PRKDC: variants seen among roughly 807,000 people sequenced by gnomAD.
PRKDC encodes the protein protein kinase, DNA-activated, catalytic subunit.
In PRKDC, 82 loss-of-function variants were observed where a neutral mutation model predicts 486.9. The ratio of observed to expected loss-of-function variants is 0.17; its 90% CI spans 0.14 to 0.20. The LOEUF is 0.20. Among genes scored for constraint, PRKDC ranks in the 10% least tolerant of loss-of-function variants. The probability of loss-of-function intolerance (pLI) is 1.00; values close to 1 mark genes in which losing one functional copy is unlikely to be tolerated. For missense variants in PRKDC, 4,504 were observed against 5,038.2 expected (o/e 0.89, Z 3.21); for synonymous variants, 1,895 against 1,837.0 (o/e 1.03, Z -0.81).
At chr8:47,954,167 A>G (rs964104714) in intron 5 of PRKDC, among the ~76,000 whole-genome samples, 171 bp downstream of exon 5, 7 of 152,162 alleles carry the variant, frequency 4.6e-5, no homozygotes, top group African/African-American at 7.2e-5. Context: ...CATTTTTGTG[A>G]AGGGAAGTCT....
At position 47,935,816 on chromosome 8, in the gene PRKDC, G is replaced by A. The variant is rs1027150267; in HGVS notation, c.1363C>T (p.Leu455=). Residue 455 remains leucine (L), a synonymous_variant, in exon 13 of 86, where the codon CTG becomes TTG. Transcript: ENST00000314191. Reference sequence around the variant, plus strand: ...TTCACTATGGCTCTGCAACACACCAGCTGCATTTTTGGACTGTACTGTGGG... The same window carrying A: ...TTCACTATGGCTCTGCAACACACCAACTGCATTTTTGGACTGTACTGTGGG... The part of the protein sequence containing the change: ...SFPQYSPKMQ[L]VCCRAIVKVF... 1.9e-6 allele frequency: 3 copies of A among 1,613,970 alleles called. No homozygotes were observed. The highest frequency in any genetic ancestry group is 2.5e-6 in the Non-Finnish European group (3 of 1,179,878).
At chr8:47,795,632 T>C (rs1366546169) in intron 73 of PRKDC, among the ~76,000 whole-genome samples, 1 of 151,846 alleles carries the variant, frequency 6.6e-6, no homozygotes, top group Non-Finnish European at 1.5e-5. Flanking sequence ...TAGCTGGGAT[T>C]ACAAACACTC....
In PRKDC at chr8:47,826,856, A is replaced by G. The variant is rs745799589; in HGVS notation, c.8583T>C (p.Ile2861=). 9.5e-6 allele frequency: 15 copies of G among 1,575,942 alleles called. No homozygotes were observed. Among genetic ancestry groups the G allele is most frequent in the East Asian group, 2.3e-5 (1 of 43,368 alleles). Residue 2861 remains isoleucine (I), a synonymous_variant, in exon 63 of 86, where the codon ATT becomes ATC. Coordinates refer to ENST00000314191, the MANE Select transcript of PRKDC (RefSeq NM_006904.7). Reference sequence around the variant, plus strand: ...TCAGCAGGGCTGCGTGCTGACAGCTAATGTCCTGTGAAACCACACATACAA... The same window carrying G: ...TCAGCAGGGCTGCGTGCTGACAGCTGATGTCCTGTGAAACCACACATACAA... The part of the protein sequence containing the change: ...FPPFVSCIQD[I]SCQHAALLSL...
intron 54 of PRKDC, among the ~76,000 whole-genome samples, chr8:47,844,557 A>G (rs2088222647): frequency 1.3e-5 from 2 of 152,206 alleles, no homozygotes; most frequent in Non-Finnish European, 1.5e-5. Context: ...CATCTACAGC[A>G]TACTCCACCT....
rs1157818251 is a variant in PRKDC, at chr8:47,878,385, G to A, written c.5236-534C>T. 6.6e-5 allele frequency among the ~76,000 whole-genome samples: 10 copies of A among 152,202 alleles called. No homozygotes were observed. The South Asian group carries it at 1.9e-3, about 28-fold the overall frequency. On this transcript the variant is annotated intron_variant, in intron 39 of 85. Coordinates refer to ENST00000314191, the MANE Select transcript of PRKDC (RefSeq NM_006904.7). Reference sequence around the variant, plus strand: ...CACCCAAAGTGCTGGGATTACAGGCGTGAGCCACTGTACCTAGCCCCTATT... The same window carrying A: ...CACCCAAAGTGCTGGGATTACAGGCATGAGCCACTGTACCTAGCCCCTATT...
rs1214663982 is a variant in PRKDC at position 47,783,311 on chromosome 8, G to A, written c.11175+431C>T. On this transcript the variant is annotated intron_variant, in intron 78 of 85. Transcript: ENST00000314191. ...AAAAAGAAAAAAAAAAAAAAAGCCC[G>A]GGCATAGTGGCTCACACCTGTAATC... is the stretch of plus-strand genomic sequence containing the variant. Among the ~76,000 whole-genome samples the A allele has an allele frequency of 6.8e-5, 10 of 147,608 alleles. No homozygotes were observed. The South Asian group carries it at 8.6e-4, about 13-fold the overall frequency.
chr8:47,895,754 T>C (rs1034401566), intron 30 of PRKDC, among the ~76,000 whole-genome samples: 4 of 151,958 alleles, frequency 2.6e-5, no homozygotes, highest in African/African-American at 2.4e-5. Context: ...AAACTGAAAA[T>C]GCTAGGCCAG....
Position 47,855,300 on chromosome 8 carries a change from C to T in PRKDC, c.6683G>A (p.Arg2228Lys), listed in dbSNP as rs1225244418. The T allele has an allele frequency of 1.0e-5, 16 of 1,601,624 alleles. No individual in the cohort carries two copies. Among genetic ancestry groups the T allele is most frequent in the Non-Finnish European group, 1.4e-5 (16 of 1,173,216 alleles). Residue 2228 changes from arginine to lysine, a missense_variant, in exon 50 of 86, where the codon AGA becomes AAA. Transcript: ENST00000314191. ...TTCAAGGTTGTGTCTAAACACAGCT[C>T]TTTTTGGATGAAAGACATGTTTCAT... The part of the protein sequence containing the change: ...FLMKHVFHPK[R>K]AVFRHNLEII...
At chr8:47,852,549 T>C (rs1286428881) in intron 52 of PRKDC, 124 bp downstream of exon 52, 2 of 549,728 alleles carry the variant, frequency 3.6e-6, no homozygotes, top group African/African-American at 3.8e-5. Flanking sequence ...AGTAAAATTT[T>C]AATAAATGCA....
intron 80 of PRKDC, among the ~76,000 whole-genome samples, chr8:47,780,183 G>A (rs535151987): frequency 7.2e-4 from 110 of 152,274 alleles, no homozygotes; most frequent in Middle Eastern, 6.8e-3. Flanking sequence ...CCAAAGTGCT[G>A]GGATTACAGG....
chr8:47,786,526 G>T (rs1439036696), intron 76 of PRKDC, among the ~76,000 whole-genome samples: 2 of 152,048 alleles, frequency 1.3e-5, no homozygotes, highest in African/African-American at 4.8e-5. Context: ...CTAGTTAGTG[G>T]TCTACATCAT....
In PRKDC at chr8:47,864,637, G is replaced by C. The variant is rs766265254; in HGVS notation, c.5490C>G (p.His1830Gln). Reference sequence around the variant, plus strand: ...ATTCTCTCAAAGCATCCAGGCTACAGTGCCACAGCAGAGTGAGGAGGGAGC... The same window carrying C: ...ATTCTCTCAAAGCATCCAGGCTACACTGCCACAGCAGAGTGAGGAGGGAGC... ...VDRSLLTLLW[H>Q]CSLDALREFF... The change falls in exon 41 of 86, where the codon CAC becomes CAG. Residue 1830 changes from histidine to glutamine, a missense_variant. By Grantham distance (24) the His-to-Gln change is conservative. This residue lies in a region of PRKDC where 1,969 missense variants were observed against 2,068.9 expected (regional missense o/e 0.95). Transcript: ENST00000314191. 1 of 1,609,748 alleles carries C rather than the reference G, an allele frequency of 6.2e-7. No individual in the cohort carries two copies. The highest frequency in any genetic ancestry group is 8.5e-7 in the Non-Finnish European group (1 of 1,178,102).
At chr8:47,882,518 CACACATA>C (rs1303916448) in intron 36 of PRKDC, among the ~76,000 whole-genome samples, 1 of 152,182 alleles carries the variant, frequency 6.6e-6, no homozygotes, top group Non-Finnish European at 1.5e-5. Context: ...CACAGATGTA[CACACATA>C]AGCAAACATG....
intron 69 of PRKDC, among the ~76,000 whole-genome samples, chr8:47,803,806 A>G (rs138856269): frequency 2.0e-5 from 3 of 152,218 alleles, no homozygotes; most frequent in African/African-American, 7.2e-5. Flanking sequence ...AAAATTAGCC[A>G]GCACCATGGC....
intron 67 of PRKDC, 86 bp downstream of exon 67, chr8:47,819,316 G>T: frequency 1.2e-6 from 1 of 815,106 alleles, no homozygotes; most frequent in Non-Finnish European, 1.9e-6. Flanking sequence ...TAAGAAACAT[G>T]CACTTTCACT....
intron 83 of PRKDC, 23 bp from the exon 84 acceptor site, chr8:47,777,897 A>G: frequency 6.2e-7 from 1 of 1,607,582 alleles, no homozygotes; most frequent in Non-Finnish European, 8.5e-7. Context: ...AAAGGCAAGG[A>G]GCAGAATATG....
intron 21 of PRKDC, among the ~76,000 whole-genome samples, chr8:47,919,959 G>C (rs1442228099): frequency 6.6e-6 from 1 of 152,116 alleles, no homozygotes; most frequent in Non-Finnish European, 1.5e-5. Flanking sequence ...GACCCACCCA[G>C]GGCAGAAAAT....
chr8:47,800,908 T>C lies in PRKDC; in HGVS notation c.10001A>G (p.Tyr3334Cys). ...RDQNILLGTT[Y>C]RIIANALSSE... ...GCTGAGAGCATTCGCTATGATCCTGTAAGTTGTACCCAAGAGAATGTTCTG... is the reference window on the plus strand; with the variant it reads ...GCTGAGAGCATTCGCTATGATCCTGCAAGTTGTACCCAAGAGAATGTTCTG... Residue 3334 changes from tyrosine (Y) to cysteine (C), a missense_variant, in exon 71 of 86, where the codon TAC becomes TGC. Transcript: ENST00000314191. 1 of 1,613,978 alleles carries C rather than the reference T, an allele frequency of 6.2e-7. No homozygotes were observed. Among genetic ancestry groups the C allele is most frequent in the South Asian group, 1.1e-5 (1 of 91,058 alleles).
At chr8:47,867,183 C>T (rs2088837340) in intron 40 of PRKDC, among the ~76,000 whole-genome samples, 1 of 152,006 alleles carries the variant, frequency 6.6e-6, no homozygotes, top group Non-Finnish European at 1.5e-5. Context: ...TTTCTATATG[C>T]TGATAGGGCG....
Sources: allele counts gnomAD v4.1 joint callset (sites outside exome capture counted in the v4.1 genomes callset), GRCh38; gene constraint gnomAD v4.1.1; regional missense constraint gnomAD v4.1.1; transcripts MANE v1.5; gene names NCBI Gene and HGNC (gene_info 2026-07-23, HGNC 2026-07-21).